The following NKAIN2 variants were observed in gnomAD, a reference collection of about 807,000 sequenced individuals.
The protein encoded by NKAIN2 is sodium/potassium transporting ATPase interacting 2, also known as sodium/potassium-transporting ATPase subunit beta-1-interacting protein 2.
In NKAIN2, 14 loss-of-function variants were observed where a neutral mutation model predicts 32.6. That is an observed-to-expected ratio of 0.43 (90% CI 0.28 to 0.67). The LOEUF (loss-of-function observed/expected upper bound fraction) is 0.67. Ranked by LOEUF, NKAIN2 falls within the 30% of genes least tolerant of loss-of-function variation. The pLI is 0.17. For synonymous variants in NKAIN2, 80 were observed against 87.2 expected (o/e 0.92, Z 0.46); for missense variants, 198 against 258.3 (o/e 0.77, Z 1.60).
At chr6:123,821,983 C>T (rs1215355061) in intron 1 of NKAIN2, among the ~76,000 whole-genome samples, 1 of 151,946 alleles carries the variant, frequency 6.6e-6, no homozygotes, top group Non-Finnish European at 1.5e-5. Flanking sequence ...GATGACTTTT[C>T]CCTTTAGAGT....
chr6:124,148,147 C>T (rs1787513608), intron 1 of NKAIN2, among the ~76,000 whole-genome samples: 1 of 151,902 alleles, frequency 6.6e-6, no homozygotes, highest in Admixed American at 6.6e-5. Flanking sequence ...ATTCAGGAAA[C>T]CTCTATTAGA....
At chr6:124,282,084 C>T (rs1795323111) in intron 1 of NKAIN2, among the ~76,000 whole-genome samples, 1 of 152,148 alleles carries the variant, frequency 6.6e-6, no homozygotes. Flanking sequence ...TGAGATCTTG[C>T]TAGCTTCCTA....
At chr6:124,489,193 A>G (rs1012143646) in intron 3 of NKAIN2, among the ~76,000 whole-genome samples, 1 of 151,942 alleles carries the variant, frequency 6.6e-6, no homozygotes, top group Non-Finnish European at 1.5e-5. Flanking sequence ...TATGCTTTAC[A>G]AACTCTAAAC....
At chr6:124,354,510 G>A (rs1276328963) in intron 2 of NKAIN2, among the ~76,000 whole-genome samples, 1 of 152,150 alleles carries the variant, frequency 6.6e-6, no homozygotes, top group Non-Finnish European at 1.5e-5. Flanking sequence ...GATAAAATAA[G>A]AAGGTGAATG....
At chr6:124,561,396 A>AT (rs1780685948) in intron 3 of NKAIN2, among the ~76,000 whole-genome samples, 1 of 152,166 alleles carries the variant, frequency 6.6e-6, no homozygotes, top group Non-Finnish European at 1.5e-5. Flanking sequence ...CCAATTTTGC[A>AT]TTTAGGCAGC....
chr6:124,431,680 AT>A (rs1273867720), intron 3 of NKAIN2, among the ~76,000 whole-genome samples: 1 of 152,182 alleles, frequency 6.6e-6, no homozygotes, highest in Non-Finnish European at 1.5e-5. Flanking sequence ...TAAACCAATG[AT>A]TTAATTAATT....
intron 3 of NKAIN2, among the ~76,000 whole-genome samples, chr6:124,384,275 A>C (rs1035794902): frequency 6.6e-6 from 1 of 152,174 alleles, no homozygotes; most frequent in Non-Finnish European, 1.5e-5. Context: ...ATGGGAAGTC[A>C]ATATGTTATC....
At chr6:124,235,501 G>T (rs1386657433) in intron 1 of NKAIN2, among the ~76,000 whole-genome samples, 2 of 152,058 alleles carry the variant, frequency 1.3e-5, no homozygotes, top group Admixed American at 6.6e-5. Flanking sequence ...GACAGATGGA[G>T]AGCTGCAGCT....
At chr6:124,031,081 T>A (rs1046684602) in intron 1 of NKAIN2, among the ~76,000 whole-genome samples, 9 of 152,094 alleles carry the variant, frequency 5.9e-5, no homozygotes, top group African/African-American at 2.2e-4. Flanking sequence ...ACTGGGTTTT[T>A]AAAAAAATAA....
intron 4 of NKAIN2, among the ~76,000 whole-genome samples, chr6:124,777,915 CTCAG>C (rs1458601522): frequency 6.6e-6 from 1 of 151,770 alleles, no homozygotes; most frequent in East Asian, 1.9e-4. Context: ...TCATTTCTTA[CTCAG>C]TATTTCTTGC....
At chr6:124,260,188 A>G (rs1472360333) in intron 1 of NKAIN2, among the ~76,000 whole-genome samples, 1 of 152,204 alleles carries the variant, frequency 6.6e-6, no homozygotes, top group Admixed American at 6.5e-5. Context: ...AAATGTCAAG[A>G]ACCATTCTAT....
At chr6:124,767,051 C>T (rs1173964364) in intron 4 of NKAIN2, among the ~76,000 whole-genome samples, 5 of 152,024 alleles carry the variant, frequency 3.3e-5, no homozygotes. Flanking sequence ...TCCGCCATCA[C>T]GCCCGGGTAA....
At chr6:124,236,702 G>C (rs868370904) in intron 1 of NKAIN2, among the ~76,000 whole-genome samples, 1 of 152,050 alleles carries the variant, frequency 6.6e-6, no homozygotes, top group Non-Finnish European at 1.5e-5. Flanking sequence ...TTAACAATCT[G>C]GTTTGGGCAG....
intron 1 of NKAIN2, among the ~76,000 whole-genome samples, chr6:123,906,285 T>G (rs1036242745): frequency 2.0e-5 from 3 of 149,108 alleles, no homozygotes; most frequent in Middle Eastern, 3.5e-3. Context: ...TTCTTCTACT[T>G]TTTTTTTTTT....
At position 124,184,582 on chromosome 6, in the gene NKAIN2, C is replaced by T. The variant is rs1479427274; in HGVS notation, c.55-98423C>T. Among the ~76,000 whole-genome samples the T allele has an allele frequency of 2.0e-5, 3 of 152,100 alleles. No homozygotes were observed. The East Asian group carries it at 5.8e-4, about 29-fold the overall frequency. On this transcript the variant is annotated intron_variant, in intron 1 of 6. Transcript: ENST00000368417. ...TATCTGTACTCTCTGACTGCCCTCC[C>T]AGGGAACAGAGAAAAGTAATAAGAC...
At chr6:123,844,585 G>A (rs181543324) in intron 1 of NKAIN2, among the ~76,000 whole-genome samples, 97 of 152,200 alleles carry the variant, frequency 6.4e-4, no homozygotes, top group Admixed American at 1.1e-3. Context: ...CTAAACTTCA[G>A]TTCACACCAG....
chr6:124,534,121 A>G lies in NKAIN2; in HGVS notation c.274-124065A>G, dbSNP rs1270236645. 3.9e-5 allele frequency among the ~76,000 whole-genome samples: 6 copies of G among 152,020 alleles called. No homozygotes were observed. In the East Asian group the frequency reaches 5.8e-4, roughly 15 times the overall value. ...ATGACTGCTAGTGCCTCCACAGTGT[A>G]TGAGTAGTTTTGTTTTCTTTTTTTT... On this transcript the variant is annotated intron_variant, in intron 3 of 6. Coordinates refer to ENST00000368417, the MANE Select transcript of NKAIN2 (RefSeq NM_001040214.3).
At chr6:123,966,281 T>C (rs1778076052) in intron 1 of NKAIN2, among the ~76,000 whole-genome samples, 1 of 152,202 alleles carries the variant, frequency 6.6e-6, no homozygotes, top group Admixed American at 6.5e-5. Context: ...TGCCATCTTC[T>C]GTCAACCTTG....
chr6:124,150,953 T>C (rs1787684317), intron 1 of NKAIN2, among the ~76,000 whole-genome samples: 1 of 152,156 alleles, frequency 6.6e-6, no homozygotes, highest in African/African-American at 2.4e-5. Context: ...GTAACATTTG[T>C]AATTGTTTTT....
Sources: gnomAD v4.1 joint callset for allele counts (sites outside exome capture counted in the v4.1 genomes callset) on GRCh38, gnomAD v4.1.1 for gene constraint, MANE v1.5 for transcripts, NCBI Gene and HGNC (gene_info 2026-07-23, HGNC 2026-07-21) for gene names.